VCL: variants seen among roughly 807,000 people sequenced by gnomAD.
The protein encoded by VCL is vinculin.
Under a neutral mutation model 125.7 loss-of-function variants are expected in VCL, and 47 were observed. The observed-to-expected ratio is 0.37, with a 90% confidence interval of 0.30 to 0.48. VCL has a LOEUF of 0.48. Among genes scored for constraint, VCL ranks in the 20% least tolerant of loss-of-function variants. VCL has a pLI of 0.99. For synonymous variants in VCL, 458 were observed against 514.6 expected, an observed-to-expected ratio of 0.89 and a Z score of 1.49; for missense variants, 1,069 against 1,455.5, an observed-to-expected ratio of 0.73 and a Z score of 4.32.
chr10:74,019,367 A>G (rs1840618090), intron 1 of VCL, among the ~76,000 whole-genome samples: 1 of 152,262 alleles, frequency 6.6e-6, no homozygotes, highest in African/African-American at 2.4e-5. Flanking sequence ...TAAGCCCCGC[A>G]TGCATTAGGT....
chr10:74,040,475 G>A (rs1371051129), intron 1 of VCL, among the ~76,000 whole-genome samples: 1 of 152,180 alleles, frequency 6.6e-6, no homozygotes, highest in African/African-American at 2.4e-5. Flanking sequence ...TGTCTTAAAT[G>A]TGAATATCTT....
chr10:74,112,162 T>G (rs1159558790), intron 19 of VCL, 50 bp downstream of exon 19: 1 of 1,607,582 alleles, frequency 6.2e-7, no homozygotes, highest in African/African-American at 1.3e-5. Context: ...CATCCGGCCA[T>G]GTGCAGCCTT....
intron 10 of VCL, among the ~76,000 whole-genome samples, chr10:74,093,048 G>C (rs1839912613): frequency 6.6e-6 from 1 of 152,176 alleles, no homozygotes; most frequent in South Asian, 2.1e-4. Flanking sequence ...TGTAATCCTA[G>C]CACTTTGGGA....
intron 2 of VCL, among the ~76,000 whole-genome samples, chr10:74,065,623 C>T (rs946250242): frequency 1.3e-5 from 2 of 150,862 alleles, no homozygotes; most frequent in African/African-American, 4.9e-5. Flanking sequence ...GTCGAGGCTG[C>T]AGTGAGCCAT....
rs1212883194 is a variant in VCL, at chr10:74,111,891, T to C, written c.2746-18T>C. The C allele has an allele frequency of 6.2e-7, 1 of 1,614,032 alleles. No homozygotes were observed. The highest frequency in any genetic ancestry group is 8.5e-7 in the Non-Finnish European group (1 of 1,180,022). The stretch of plus-strand genomic sequence containing the variant: ...CTAACACTATCCCTATTTCTCATCC[T>C]TCCCGCCATCGACAAAGCCGGGCAT... On this transcript the variant is annotated intron_variant, in intron 18 of 21. Transcript: ENST00000211998.
intron 1 of VCL, among the ~76,000 whole-genome samples, chr10:74,000,547 T>A (rs1840207828): frequency 6.6e-6 from 1 of 152,138 alleles, no homozygotes; most frequent in African/African-American, 2.4e-5. Flanking sequence ...CCCGAGTAGC[T>A]GGGACTACAG....
At chr10:74,052,403 G>T (rs2136256976) in intron 2 of VCL, among the ~76,000 whole-genome samples, 1 of 128,586 alleles carries the variant, frequency 7.8e-6, no homozygotes. Flanking sequence ...TTGAGACGGA[G>T]TCTCACTCTG....
At chr10:74,100,803 G>C in intron 13 of VCL, 145 bp from the exon 14 acceptor site, 4 of 971,262 alleles carry the variant, frequency 4.1e-6, no homozygotes, top group African/African-American at 1.6e-5. Flanking sequence ...TTTGGAGTTT[G>C]ACTGTTGTTT....
At chr10:74,083,567 G>C (rs1249021185) in intron 8 of VCL, 54 bp downstream of exon 8, 1 of 1,601,480 alleles carries the variant, frequency 6.2e-7, no homozygotes, top group Admixed American at 1.7e-5. Context: ...CTCCTAACAG[G>C]GTGATTCAGA....
At chr10:74,062,087 T>C (rs1841490789) in intron 2 of VCL, among the ~76,000 whole-genome samples, 1 of 151,726 alleles carries the variant, frequency 6.6e-6, no homozygotes, top group Non-Finnish European at 1.5e-5. Context: ...TTTTTTGAGA[T>C]GGGGTCTTAC....
intron 2 of VCL, among the ~76,000 whole-genome samples, chr10:74,069,599 C>G (rs7893758): frequency 0.062 from 9,469 of 152,140 alleles, 1,005 homozygotes; most frequent in African/African-American, 0.21. Flanking sequence ...TTGCAGGTGA[C>G]ATTTTCTATG....
chr10:74,067,642 C>T (rs928828969), intron 2 of VCL, among the ~76,000 whole-genome samples: 5 of 152,094 alleles, frequency 3.3e-5, no homozygotes, highest in African/African-American at 9.7e-5. Flanking sequence ...CATATCCATA[C>T]AATGGAATAT....
intron 1 of VCL, among the ~76,000 whole-genome samples, chr10:74,025,208 G>C (rs913976662): frequency 6.6e-6 from 1 of 151,980 alleles, no homozygotes; most frequent in Admixed American, 6.6e-5. Context: ...AGTAGAGACG[G>C]GGATTCACCA....
intron 17 of VCL, among the ~76,000 whole-genome samples, chr10:74,108,168 A>G (rs539754602): frequency 2.0e-5 from 3 of 152,340 alleles, no homozygotes; most frequent in Admixed American, 1.3e-4. Flanking sequence ...GATTCTTCCC[A>G]GCTGGGTGCT....
intron 6 of VCL, chr10:74,075,165 G>C (rs1025977047): frequency 2.1e-6 from 1 of 466,042 alleles, no homozygotes; most frequent in Non-Finnish European, 3.9e-6. Context: ...TTTCCATCAG[G>C]CTGGAGTCTT....
At chr10:74,024,468 G>A (rs568957739) in intron 1 of VCL, among the ~76,000 whole-genome samples, 31 of 152,140 alleles carry the variant, frequency 2.0e-4, no homozygotes, top group East Asian at 1.9e-4. Flanking sequence ...AAAATTAGCC[G>A]GGCATGGTGG....
At chr10:74,037,808 C>G (rs987857486) in intron 1 of VCL, among the ~76,000 whole-genome samples, 1 of 152,092 alleles carries the variant, frequency 6.6e-6, no homozygotes, top group African/African-American at 2.4e-5. Context: ...GTTATAGTAG[C>G]TGTGTGAAGA....
intron 1 of VCL, among the ~76,000 whole-genome samples, chr10:74,002,064 G>A (rs1360304715): frequency 1.3e-5 from 2 of 152,086 alleles, no homozygotes; most frequent in Admixed American, 6.6e-5. Context: ...TGTTTATTGA[G>A]ACCCCTTCCA....
At chr10:74,085,684 T>C (rs1415681588) in intron 8 of VCL, among the ~76,000 whole-genome samples, 2 of 152,042 alleles carry the variant, frequency 1.3e-5, no homozygotes, top group Non-Finnish European at 2.9e-5. Flanking sequence ...GTATGGACAT[T>C]ACGAAAACTT....
Sources: gnomAD v4.1 joint callset for allele counts (sites outside exome capture counted in the v4.1 genomes callset) on GRCh38, gnomAD v4.1.1 for gene constraint, MANE v1.5 for transcripts, NCBI Gene and HGNC (gene_info 2026-07-23, HGNC 2026-07-21) for gene names.